HIBADH: variants seen among roughly 807,000 people sequenced by gnomAD.
HIBADH encodes the protein 3-hydroxyisobutyrate dehydrogenase, also known as 3-hydroxyisobutyrate dehydrogenase, mitochondrial.
Under a neutral mutation model 36.1 loss-of-function variants are expected in HIBADH, and 25 were observed. The observed-to-expected ratio is 0.69, with a 90% confidence interval of 0.50 to 0.97. The LOEUF (loss-of-function observed/expected upper bound fraction) is 0.97. Among genes scored for constraint, HIBADH ranks in the 50% least tolerant of loss-of-function variants. HIBADH has a pLI of 0.00. For missense variants in HIBADH, 421 were observed against 418.0 expected (o/e 1.01, Z -0.06); for synonymous variants, 160 against 149.5 (o/e 1.07, Z -0.51).
rs144904269 is a variant in HIBADH, at chr7:27,530,969, CAT to C, written c.852+221_852+222del. On this transcript the variant is annotated intron_variant, in intron 7 of 7. Transcript: ENST00000265395. ...ACACGCACACACATACACACACACA[CAT>C]GGTCTGGCCCATTCTTCTCAACCAA... 9.6e-4 allele frequency among the ~76,000 whole-genome samples: 146 copies of C among 152,170 alleles called. 1 individual carries two copies. The highest frequency in any genetic ancestry group is 4.3e-3 in the East Asian group (22 of 5,172).
At chr7:27,552,128 T>G (rs1423576103) in intron 4 of HIBADH, among the ~76,000 whole-genome samples, 1 of 152,238 alleles carries the variant, frequency 6.6e-6, no homozygotes, top group Non-Finnish European at 1.5e-5. Context: ...GTTCAATTAG[T>G]TGTCCTTTCT....
At chr7:27,591,327 G>T (rs1403827309) in intron 4 of HIBADH, among the ~76,000 whole-genome samples, 8 of 152,108 alleles carry the variant, frequency 5.3e-5, no homozygotes, top group African/African-American at 1.9e-4. Flanking sequence ...CAAGGCAGGC[G>T]GATCACGAGG....
rs149848241 is a variant in HIBADH at position 27,601,640 on chromosome 7, G to A, written c.484+27731C>T. ...AAATTTAAGGTAAAGGGGAAAATAC[G>A]TAAAGCTGTCCTGTGTACTCATATT... On this transcript the variant is annotated intron_variant, in intron 4 of 7. Transcript: ENST00000265395. Among the ~76,000 whole-genome samples the A allele has an allele frequency of 3.3e-5, 5 of 152,178 alleles. No individual in the cohort carries two copies. The East Asian group carries it at 9.6e-4, about 29-fold the overall frequency.
chr7:27,543,169 AAAATT>A, intron 4 of HIBADH, 69 bp from the exon 5 acceptor site: 1 of 1,523,164 alleles, frequency 6.6e-7, no homozygotes. Context: ...GGCAGGTAAT[AAAATT>A]AGAGAAACCA....
chr7:27,607,739 T>A (rs1785254204), intron 4 of HIBADH, among the ~76,000 whole-genome samples: 1 of 87,622 alleles, frequency 1.1e-5, no homozygotes, highest in Non-Finnish European at 2.2e-5. Context: ...AATGAAAGAA[T>A]GCTGCAAAAA....
intron 4 of HIBADH, among the ~76,000 whole-genome samples, chr7:27,596,005 T>C (rs943166750): frequency 6.6e-6 from 1 of 152,174 alleles, no homozygotes; most frequent in African/African-American, 2.4e-5. Context: ...CCAAACAGAT[T>C]GTTGCAAATG....
At chr7:27,637,184 C>T (rs943131430) in intron 2 of HIBADH, among the ~76,000 whole-genome samples, 4 of 152,116 alleles carry the variant, frequency 2.6e-5, no homozygotes, top group Admixed American at 2.6e-4. Context: ...GAGAAAGGTA[C>T]TCTTATCATC....
intron 4 of HIBADH, among the ~76,000 whole-genome samples, chr7:27,562,911 T>C (rs115110586): frequency 2.6e-5 from 4 of 152,362 alleles, no homozygotes; most frequent in African/African-American, 9.6e-5. Flanking sequence ...CATTCCTTTT[T>C]TTATTTTGAA....
chr7:27,577,788 A>G (rs1474106126), intron 4 of HIBADH, among the ~76,000 whole-genome samples: 2 of 152,210 alleles, frequency 1.3e-5, no homozygotes, highest in African/African-American at 4.8e-5. Context: ...AAAATTTGAG[A>G]TGTAAATAAA....
intron 3 of HIBADH, 96 bp downstream of exon 3, chr7:27,632,240 G>C: frequency 1.2e-6 from 1 of 846,132 alleles, no homozygotes; most frequent in Non-Finnish European, 1.9e-6. Context: ...GTATAGAAAG[G>C]TTTAACAAAC....
intron 4 of HIBADH, among the ~76,000 whole-genome samples, chr7:27,616,501 G>T (rs769469892): frequency 2.6e-5 from 4 of 151,928 alleles, no homozygotes; most frequent in African/African-American, 9.7e-5. Flanking sequence ...TTTTTCTGTC[G>T]CCTAGGCTGT....
intron 1 of HIBADH, among the ~76,000 whole-genome samples, chr7:27,649,902 C>A (rs1786149258): frequency 1.3e-5 from 2 of 151,334 alleles, no homozygotes; most frequent in Admixed American, 1.3e-4. Context: ...AAAAAAAACC[C>A]ACTAACTTTT....
chr7:27,529,320 T>G (rs1287627550), intron 7 of HIBADH, among the ~76,000 whole-genome samples: 3 of 152,212 alleles, frequency 2.0e-5, no homozygotes, highest in Admixed American at 6.5e-5. Context: ...ATATAGTGAT[T>G]CCTCTGACAG....
intron 4 of HIBADH, among the ~76,000 whole-genome samples, chr7:27,614,562 GT>G (rs1467858977): frequency 6.6e-6 from 1 of 152,202 alleles, no homozygotes; most frequent in Non-Finnish European, 1.5e-5. Flanking sequence ...GCCCTCTTCA[GT>G]CTAGTAGAAG....
Position 27,531,289 on chromosome 7 carries a change from C to T in HIBADH, c.755G>A (p.Trp252Ter). 6.2e-7 allele frequency: 1 copy of T among 1,613,944 alleles called. No homozygotes were observed. Among genetic ancestry groups the T allele is most frequent in the Non-Finnish European group, 8.5e-7 (1 of 1,179,912 alleles). Residue 252 changes from tryptophan (W) to a stop codon, truncating the protein, a stop_gained, in exon 7 of 8, where the codon TGG becomes TAG. Transcript: ENST00000265395. LOFTEE classifies it high-confidence loss of function. ...TACAGGATTATAAGTGTCACTTGAC[C>T]AACACCGTCCTGAGCTCATATTTAG... is the stretch of plus-strand genomic sequence containing the variant. ...KILNMSSGRC[W>*]SSDTYNPVPG...
At chr7:27,614,390 G>A (rs114609269) in intron 4 of HIBADH, among the ~76,000 whole-genome samples, 245 of 152,256 alleles carry the variant, frequency 1.6e-3, no homozygotes, top group African/African-American at 5.2e-3. Context: ...AGATAACCTG[G>A]AGGACAGCTT....
chr7:27,645,382 T>TTGTTTGTTTTGTTTTTG lies in HIBADH; in HGVS notation c.252+4090_252+4091insCAAAAACAAAACAAACA, dbSNP rs1554300969. ...TCATGGTTTTGATTTTTTTTTTTTT[T>TTGTTTGTTTTGTTTTTG]TTTTTTTTTTTTTGAGACAGAGTCT... On this transcript the variant is annotated intron_variant, in intron 2 of 7. Coordinates refer to ENST00000265395, the MANE Select transcript of HIBADH (RefSeq NM_152740.4). Among the ~76,000 whole-genome samples the TTGTTTGTTTTGTTTTTG allele has an allele frequency of 6.5e-3, 837 of 129,102 alleles. 25 individuals carry two copies. The highest frequency in any genetic ancestry group is 0.025 in the African/African-American group (796 of 31,828). 84.7% of individuals were successfully genotyped at this position (129,102 alleles called of 152,430 possible).
At chr7:27,635,086 A>ATGTGTGTG (rs3072901) in intron 2 of HIBADH, among the ~76,000 whole-genome samples, 8,260 of 149,706 alleles carry the variant, frequency 0.055, 549 homozygotes, top group African/African-American at 0.16. Flanking sequence ...CTCTCTGTGC[A>ATGTGTGTG]TGTGTGTGTG....
intron 2 of HIBADH, among the ~76,000 whole-genome samples, chr7:27,634,001 A>AAAT (rs764435039): frequency 6.6e-5 from 10 of 152,222 alleles, no homozygotes; most frequent in Non-Finnish European, 1.2e-4. Flanking sequence ...TGTGTAATCT[A>AAAT]AATATTAAGA....
Sources: allele counts gnomAD v4.1 joint callset (sites outside exome capture counted in the v4.1 genomes callset), GRCh38; gene constraint gnomAD v4.1.1; transcripts MANE v1.5; gene names NCBI Gene and HGNC (gene_info 2026-07-23, HGNC 2026-07-21).